Variants in SLC22A2 observed in about 807,000 individuals in gnomAD.
SLC22A2 encodes solute carrier family 22 member 2.
SLC22A2 carries 46 observed loss-of-function variants against 60.5 expected under a neutral mutation model. That is an observed-to-expected ratio of 0.76 (90% confidence interval 0.60 to 0.97). The LOEUF is 0.97. Ranked by LOEUF, SLC22A2 falls within the 50% of genes least tolerant of loss-of-function variation. The pLI is 0.00. For synonymous variants in SLC22A2, 303 were observed against 267.0 expected, an observed-to-expected ratio of 1.13 and a Z score of -1.31; for missense variants, 701 against 706.6, an observed-to-expected ratio of 0.99 and a Z score of 0.09.
Position 160,245,369 on chromosome 6 carries a change from C to G in SLC22A2, c.1064+70G>C, listed in dbSNP as rs1783073851. The G allele has an allele frequency of 2.9e-5, 25 of 857,438 alleles. 1 individual carries two copies. In the South Asian group the frequency reaches 4.1e-4, roughly 14 times the overall value. 53.1% of individuals were successfully genotyped at this position (857,438 alleles called of 1,614,324 possible). The stretch of plus-strand genomic sequence containing the variant: ...TACCGGGATGAGGTCATGTTTTCTT[C>G]CCTTCCTTACTATGGATGACTGTGA... On this transcript the variant is annotated intron_variant, in intron 6 of 10. Coordinates refer to ENST00000366953, the MANE Select transcript of SLC22A2 (RefSeq NM_003058.4).
intron 9 of SLC22A2, among the ~76,000 whole-genome samples, chr6:160,228,659 C>A (rs1025628353): frequency 1.3e-5 from 2 of 152,164 alleles, no homozygotes; most frequent in African/African-American, 4.8e-5. Context: ...ATTGTCAGGC[C>A]TCTGAGCCCA....
chr6:160,235,815 A>G (rs1413823989), intron 9 of SLC22A2, among the ~76,000 whole-genome samples: 1 of 152,100 alleles, frequency 6.6e-6, no homozygotes, highest in African/African-American at 2.4e-5. Context: ...TTAATAGTAC[A>G]CTAATGTAAA....
chr6:160,243,902 T>C, intron 6 of SLC22A2, 116 bp from the exon 7 acceptor site: 1 of 667,390 alleles, frequency 1.5e-6, no homozygotes, highest in Non-Finnish European at 2.6e-6. Flanking sequence ...GACCATCTCC[T>C]TGCTAGTCCC....
intron 2 of SLC22A2, among the ~76,000 whole-genome samples, chr6:160,253,244 AT>A (rs1783216156): frequency 6.6e-6 from 1 of 152,056 alleles, no homozygotes; most frequent in South Asian, 2.1e-4. Context: ...ACTCATATTT[AT>A]TTTTAATTAT....
intron 2 of SLC22A2, among the ~76,000 whole-genome samples, chr6:160,253,525 C>T (rs316010): frequency 0.89 from 135,470 of 152,136 alleles, 60,475 homozygotes; most frequent in East Asian, 0.96. Context: ...GTCCAAGCCC[C>T]GCCTCCAGAG....
intron 10 of SLC22A2, among the ~76,000 whole-genome samples, chr6:160,219,237 CAACAACAGT>C (rs1173826736): frequency 8.6e-5 from 13 of 151,088 alleles, no homozygotes; most frequent in African/African-American, 3.2e-4. Flanking sequence ...ACAGCAGCAG[CAACAACAGT>C]AACAACAGTA....
intron 9 of SLC22A2, among the ~76,000 whole-genome samples, chr6:160,231,129 A>G (rs1373553667): frequency 6.6e-6 from 1 of 151,602 alleles, no homozygotes; most frequent in East Asian, 1.9e-4. Context: ...TGCCTCCATA[A>G]CTGTTGTGGG....
intron 7 of SLC22A2, among the ~76,000 whole-genome samples, chr6:160,242,678 C>T (rs1168337031): frequency 6.6e-6 from 1 of 152,076 alleles, no homozygotes; most frequent in Non-Finnish European, 1.5e-5. Flanking sequence ...ACAGAGATTT[C>T]CCACATAACC....
chr6:160,248,721 G>A (rs1783136150), intron 4 of SLC22A2, among the ~76,000 whole-genome samples: 1 of 152,164 alleles, frequency 6.6e-6, no homozygotes, highest in Non-Finnish European at 1.5e-5. Context: ...TGATTGATTG[G>A]TATGGTCTGT....
At chr6:160,227,961 C>T (rs2928036) in intron 9 of SLC22A2, among the ~76,000 whole-genome samples, 104,640 of 151,912 alleles carry the variant, frequency 0.69, 38,206 homozygotes, top group Admixed American at 0.81. Flanking sequence ...GGAAGTTACC[C>T]TATATGGTCA....
intron 1 of SLC22A2, among the ~76,000 whole-genome samples, chr6:160,257,238 A>G (rs905025609): frequency 6.6e-6 from 1 of 152,194 alleles, no homozygotes; most frequent in African/African-American, 2.4e-5. Context: ...ACGTGATACA[A>G]TGCAGGCACC....
At chr6:160,256,359 T>G (rs543829794) in intron 2 of SLC22A2, among the ~76,000 whole-genome samples, 1 of 152,336 alleles carries the variant, frequency 6.6e-6, no homozygotes, top group Admixed American at 6.5e-5. Flanking sequence ...AGCTTCTGCA[T>G]AGCCCCCATG....
intron 9 of SLC22A2, among the ~76,000 whole-genome samples, chr6:160,231,149 C>A (rs1295547832): frequency 6.6e-6 from 1 of 151,880 alleles, no homozygotes; most frequent in Non-Finnish European, 1.5e-5. Context: ...GTATTGATGG[C>A]CCAGCTTCAA....
Position 160,217,177 on chromosome 6 carries a change from A to T in SLC22A2, c.*255T>A, listed in dbSNP as rs1782553379. 1 of 356,560 alleles carries T rather than the reference A, an allele frequency of 2.8e-6. No individual in the cohort carries two copies. Among genetic ancestry groups the T allele is most frequent in the South Asian group, 1.5e-4 (1 of 6,756 alleles). The allele number at this position is 356,560 out of a possible 1,614,324, so 22.1% of individuals were successfully genotyped here. ...TAAAAAAATACAAAGATGGAAAAAA[A>T]ACCCTCCAGAAAACCAATGTCCAAT... On this transcript the variant is annotated 3_prime_UTR_variant, in exon 11 of 11. Transcript: ENST00000366953.
chr6:160,232,347 G>A (rs1004026437), intron 9 of SLC22A2, among the ~76,000 whole-genome samples: 5 of 151,910 alleles, frequency 3.3e-5, no homozygotes, highest in African/African-American at 1.2e-4. Context: ...AGCAAAGGCA[G>A]GCTATGCTAT....
chr6:160,241,878 TA>T (rs1562435284), intron 8 of SLC22A2, among the ~76,000 whole-genome samples: 27 of 5,836 alleles, frequency 4.6e-3, no homozygotes, highest in Non-Finnish European at 8.1e-4. Context: ...CACAATATTT[TA>T]TATATATATA....
chr6:160,242,762 T>C (rs1051230677), intron 7 of SLC22A2, among the ~76,000 whole-genome samples: 11 of 152,064 alleles, frequency 7.2e-5, no homozygotes, highest in African/African-American at 2.7e-4. Flanking sequence ...TGTTTGTTAC[T>C]TGATGAACCT....
intron 8 of SLC22A2, among the ~76,000 whole-genome samples, chr6:160,241,943 AT>A (rs11342198): frequency 0.7 from 106,000 of 151,640 alleles, 38,862 homozygotes; most frequent in Admixed American, 0.82. Flanking sequence ...TAAACCTTAA[AT>A]TTTTTTTTAA....
chr6:160,218,277 T>A, intron 10 of SLC22A2: 1 of 183,960 alleles, frequency 5.4e-6, no homozygotes, highest in Non-Finnish European at 1.0e-5. Flanking sequence ...GCTCCTCTGG[T>A]CTCTCTGCCA....
Sources: allele counts gnomAD v4.1 joint callset (sites outside exome capture counted in the v4.1 genomes callset), GRCh38; gene constraint gnomAD v4.1.1; transcripts MANE v1.5; gene names NCBI Gene and HGNC (gene_info 2026-07-23, HGNC 2026-07-21).